The following RBM46 variants were observed in gnomAD, a reference collection of about 807,000 sequenced individuals.
RBM46 encodes RNA binding motif protein 46.
In RBM46, 12 loss-of-function variants were observed where a neutral mutation model predicts 43.3. The ratio of observed to expected loss-of-function variants is 0.28; its 90% confidence interval spans 0.18 to 0.45. The LOEUF is 0.45. Among genes scored for constraint, RBM46 ranks in the 20% least tolerant of loss-of-function variants. The pLI is 1.00. For missense variants in RBM46, 412 were observed against 639.1 expected (o/e 0.64, Z 3.83); for synonymous variants, 205 against 207.6 (o/e 0.99, Z 0.11).
chr4:154,796,447 C>A (rs1053345074), intron 1 of RBM46, among the ~76,000 whole-genome samples: 37 of 152,116 alleles, frequency 2.4e-4, no homozygotes, highest in African/African-American at 8.7e-4. Context: ...TTTTTCTTCT[C>A]TTTCACTTAA....
chr4:154,786,146 G>A (rs1733753019), intron 1 of RBM46, among the ~76,000 whole-genome samples: 1 of 152,178 alleles, frequency 6.6e-6, no homozygotes. Flanking sequence ...GAATGCAGTG[G>A]CACGATCTCA....
chr4:154,805,186 G>A (rs1158349718), intron 4 of RBM46, among the ~76,000 whole-genome samples: 2 of 152,088 alleles, frequency 1.3e-5, no homozygotes, highest in Non-Finnish European at 2.9e-5. Flanking sequence ...TTGAAAAGAT[G>A]TAAACATTAG....
intron 4 of RBM46, among the ~76,000 whole-genome samples, chr4:154,803,201 G>A (rs535596056): frequency 7.2e-5 from 11 of 152,056 alleles, no homozygotes; most frequent in Admixed American, 2.0e-4. Context: ...AAATATTTAG[G>A]TGTTTTTTTT....
intron 4 of RBM46, among the ~76,000 whole-genome samples, chr4:154,817,341 T>G (rs1256447869): frequency 6.7e-6 from 1 of 150,290 alleles, no homozygotes; most frequent in Admixed American, 6.6e-5. Context: ...CTTTTTTTTT[T>G]TTTTTTTTTG....
At chr4:154,790,905 C>A (rs940137492) in intron 1 of RBM46, among the ~76,000 whole-genome samples, 1 of 152,062 alleles carries the variant, frequency 6.6e-6, no homozygotes, top group Non-Finnish European at 1.5e-5. Context: ...TAGGGTGGGG[C>A]AGATTTGAGG....
intron 1 of RBM46, among the ~76,000 whole-genome samples, chr4:154,794,088 A>T (rs1268671203): frequency 6.6e-6 from 1 of 151,618 alleles, no homozygotes; most frequent in Non-Finnish European, 1.5e-5. Flanking sequence ...ACTTCAAAAT[A>T]TATCTCAAGT....
intron 4 of RBM46, among the ~76,000 whole-genome samples, chr4:154,811,337 AAGTT>A (rs1735161681): frequency 1.3e-5 from 2 of 152,178 alleles, no homozygotes; most frequent in African/African-American, 4.8e-5. Flanking sequence ...TTACTTGGGA[AAGTT>A]ACTTAACTTC....
At chr4:154,783,643 C>A (rs576557200) in intron 1 of RBM46, among the ~76,000 whole-genome samples, 1 of 152,222 alleles carries the variant, frequency 6.6e-6, no homozygotes, top group East Asian at 1.9e-4. Context: ...ATATCTTTAT[C>A]CTGAATTCAA....
At chr4:154,787,937 A>T (rs1470450164) in intron 1 of RBM46, among the ~76,000 whole-genome samples, 2 of 152,182 alleles carry the variant, frequency 1.3e-5, no homozygotes, top group African/African-American at 4.8e-5. Context: ...ATGGCCAGTG[A>T]TGATGAGCAT....
chr4:154,828,298 AACT>A lies in RBM46; in HGVS notation c.*236_*238del, dbSNP rs1310400302. 3 of 495,284 alleles carry A rather than the reference AACT, an allele frequency of 6.1e-6. No individual in the cohort carries two copies. The highest frequency in any genetic ancestry group is 1.1e-5 in the Non-Finnish European group (3 of 280,236). The allele number at this position is 495,284 out of a possible 1,614,324, so 30.7% of individuals were successfully genotyped here. On this transcript the variant is annotated 3_prime_UTR_variant, in exon 5 of 5. Transcript: ENST00000281722. ...GGTTTCTCTTGATAAAGGTACAGCA[AACT>A]ACTATTCTTTTTAAACTTCTAGGAT...
At chr4:154,820,929 T>G (rs964635284) in intron 4 of RBM46, among the ~76,000 whole-genome samples, 1 of 151,994 alleles carries the variant, frequency 6.6e-6, no homozygotes, top group African/African-American at 2.4e-5. Flanking sequence ...ACAAAGTCTT[T>G]TTTTACATGT....
intron 4 of RBM46, among the ~76,000 whole-genome samples, chr4:154,808,195 G>A (rs929751377): frequency 6.6e-6 from 1 of 151,884 alleles, no homozygotes; most frequent in African/African-American, 2.4e-5. Flanking sequence ...AGTATACCTT[G>A]ATTTCTGTAC....
At chr4:154,826,164 A>C (rs1187847424) in intron 4 of RBM46, among the ~76,000 whole-genome samples, 7 of 141,936 alleles carry the variant, frequency 4.9e-5, no homozygotes, top group Admixed American at 1.4e-4. Flanking sequence ...AAAAAAAAAG[A>C]AAAAAAAAAA....
intron 4 of RBM46, chr4:154,820,501 T>C: frequency 1.3e-6 from 1 of 768,620 alleles, no homozygotes; most frequent in Non-Finnish European, 2.0e-6. Context: ...TTCAAATTGT[T>C]CTTTATAATG....
chr4:154,786,914 G>A (rs763031146), intron 1 of RBM46, among the ~76,000 whole-genome samples: 5 of 152,172 alleles, frequency 3.3e-5, no homozygotes, highest in East Asian at 3.9e-4. Context: ...GTGACAGAGC[G>A]AGACTCCTTC....
chr4:154,825,419 A>G (rs144916069), intron 4 of RBM46, among the ~76,000 whole-genome samples: 2 of 152,274 alleles, frequency 1.3e-5, no homozygotes, highest in South Asian at 2.1e-4. Context: ...CCAACCAGCT[A>G]GATGTCTTCC....
intron 1 of RBM46, among the ~76,000 whole-genome samples, chr4:154,784,170 T>C (rs1455035066): frequency 6.6e-6 from 1 of 152,256 alleles, no homozygotes; most frequent in Non-Finnish European, 1.5e-5. Flanking sequence ...TTTTTCATTA[T>C]TACATTGAGT....
intron 4 of RBM46, among the ~76,000 whole-genome samples, chr4:154,821,395 C>G (rs116721234): frequency 4.0e-4 from 60 of 150,876 alleles, no homozygotes; most frequent in African/African-American, 1.4e-3. Context: ...TGAGCTACAA[C>G]TTTTTTTTTA....
At chr4:154,786,692 G>A (rs1299447381) in intron 1 of RBM46, among the ~76,000 whole-genome samples, 2 of 152,054 alleles carry the variant, frequency 1.3e-5, no homozygotes, top group African/African-American at 2.4e-5. Flanking sequence ...ACTTTGGGAG[G>A]CTGAGGCGGG....
Sources: gnomAD v4.1 joint callset for allele counts (sites outside exome capture counted in the v4.1 genomes callset) on GRCh38, gnomAD v4.1.1 for gene constraint, MANE v1.5 for transcripts, NCBI Gene and HGNC (gene_info 2026-07-23, HGNC 2026-07-21) for gene names.